The following C6orf89 variants were observed in gnomAD, a reference collection of about 807,000 sequenced individuals.
C6orf89 encodes bombesin receptor-activated protein C6orf89.
In C6orf89, 29 loss-of-function variants were observed where a neutral mutation model predicts 40.7. The observed-to-expected ratio is 0.71, with a 90% CI of 0.53 to 0.97. The LOEUF is 0.97. Ranked by LOEUF, C6orf89 falls within the 50% of genes least tolerant of loss-of-function variation. C6orf89 has a pLI of 0.00. For synonymous variants in C6orf89, 165 were observed against 152.2 expected (o/e 1.08, Z -0.62); for missense variants, 392 against 429.1 (o/e 0.91, Z 0.76).
intron 1 of C6orf89, among the ~76,000 whole-genome samples, chr6:36,878,549 G>T (rs1204553859): frequency 6.6e-6 from 1 of 152,228 alleles, no homozygotes; most frequent in East Asian, 1.9e-4. Flanking sequence ...TCCATGAATT[G>T]AAAGTGCTTA....
intron 4 of C6orf89, among the ~76,000 whole-genome samples, chr6:36,914,058 G>C (rs1196454778): frequency 2.0e-5 from 3 of 152,234 alleles, no homozygotes; most frequent in African/African-American, 7.2e-5. Flanking sequence ...CTCCTCGGAA[G>C]GCTGTAGCAG....
intron 1 of C6orf89, among the ~76,000 whole-genome samples, chr6:36,874,094 G>C (rs1321608667): frequency 1.3e-5 from 2 of 152,154 alleles, no homozygotes; most frequent in Non-Finnish European, 2.9e-5. Flanking sequence ...TTTGGTCAAG[G>C]CTTTAAGCTG....
In C6orf89 at chr6:36,899,635, TA is replaced by T. The variant is rs765729368; in HGVS notation, c.189+6del. ...CCTCTCCTTATAGTTGTGTATAAGG[TA>T]AAATGTTTCCTGAGTTGGTAATTGC... is the stretch of plus-strand genomic sequence containing the variant. On this transcript the variant is annotated splice_donor_region_variant and intron_variant, in intron 3 of 8. Coordinates refer to ENST00000480824, the MANE Select transcript of C6orf89 (RefSeq NM_001286635.2). 3 of 1,613,192 alleles carry T rather than the reference TA, an allele frequency of 1.9e-6. No homozygotes were observed. The highest frequency in any genetic ancestry group is 3.3e-5 in the Admixed American group (2 of 60,018).
intron 1 of C6orf89, among the ~76,000 whole-genome samples, chr6:36,872,748 C>T (rs1774541523): frequency 6.6e-6 from 1 of 152,176 alleles, no homozygotes; most frequent in Admixed American, 6.5e-5. Flanking sequence ...GCTGGGACTA[C>T]AGGCATGCAT....
At chr6:36,886,845 G>A (rs1433623733) in intron 1 of C6orf89, among the ~76,000 whole-genome samples, 2 of 152,134 alleles carry the variant, frequency 1.3e-5, no homozygotes, top group Non-Finnish European at 2.9e-5. Context: ...TTTCCCTCTA[G>A]GGAATAACAT....
At chr6:36,921,698 A>T (rs763256488) in intron 8 of C6orf89, among the ~76,000 whole-genome samples, 9 of 152,018 alleles carry the variant, frequency 5.9e-5, no homozygotes, top group East Asian at 2.0e-4. Context: ...TTAACATGAG[A>T]TCTACCCTCT....
intron 2 of C6orf89, among the ~76,000 whole-genome samples, chr6:36,879,355 C>T (rs933160765): frequency 1.7e-4 from 26 of 152,068 alleles, no homozygotes; most frequent in Non-Finnish European, 3.4e-4. Flanking sequence ...TTGCTCTGGC[C>T]GGAACAACAA....
At chr6:36,899,783 G>T in intron 3 of C6orf89, 150 bp downstream of exon 3, 1 of 688,350 alleles carries the variant, frequency 1.5e-6, no homozygotes, top group Middle Eastern at 3.8e-4. Context: ...GTGTTACTAG[G>T]AAATTTGACT....
At chr6:36,873,728 T>C (rs550767992) in intron 1 of C6orf89, among the ~76,000 whole-genome samples, 10 of 151,974 alleles carry the variant, frequency 6.6e-5, no homozygotes, top group African/African-American at 1.9e-4. Flanking sequence ...CATGAGCAAA[T>C]AGAGAGAGGA....
intron 6 of C6orf89, among the ~76,000 whole-genome samples, chr6:36,915,338 T>C (rs1272795928): frequency 1.3e-5 from 2 of 152,160 alleles, no homozygotes; most frequent in Non-Finnish European, 2.9e-5. Flanking sequence ...TTTTGGCACT[T>C]GTTTCTGCCA....
Position 36,891,524 on chromosome 6 carries a change from T to G in C6orf89, c.-119-2980T>G, listed in dbSNP as rs138165589. Among the ~76,000 whole-genome samples, 311 of 152,352 alleles carry G rather than the reference T, an allele frequency of 2.0e-3. 3 individuals carry two copies. The highest frequency in any genetic ancestry group is 7.0e-3 in the African/African-American group (293 of 41,576). ...GGTATATACCCAGTAATGGGATGGC[T>G]GGGTCAAATGGTATTTCTAGTTCTA... On this transcript the variant is annotated intron_variant, in intron 1 of 8. Transcript: ENST00000480824.
chr6:36,899,770 C>T lies in C6orf89; in HGVS notation c.189+137C>T. 3 of 759,074 alleles carry T rather than the reference C, an allele frequency of 4.0e-6. No individual in the cohort carries two copies. The South Asian group carries it at 5.4e-5, about 14-fold the overall frequency. 47.0% of individuals were successfully genotyped at this position (759,074 alleles called of 1,614,324 possible). Reference sequence around the variant, plus strand: ...ATAAATTGGCCTTTGCTCTTGTTACCATGTGTTACTAGGAAATTTGACTGT... The same window carrying T: ...ATAAATTGGCCTTTGCTCTTGTTACTATGTGTTACTAGGAAATTTGACTGT... On this transcript the variant is annotated intron_variant, in intron 3 of 8. Transcript: ENST00000480824.
chr6:36,874,901 CAAGGAAGAGGACGG>C (rs1403679737), intron 1 of C6orf89: 1 of 1,045,672 alleles, frequency 9.6e-7, no homozygotes, highest in Non-Finnish European at 1.4e-6. Flanking sequence ...GTGGCCAAGA[CAAGGAAGAGGACGG>C]TCCCTTCTTC....
intron 1 of C6orf89, among the ~76,000 whole-genome samples, chr6:36,872,910 G>A (rs78149087): frequency 9.2e-5 from 14 of 152,176 alleles, no homozygotes; most frequent in Non-Finnish European, 1.8e-4. Context: ...CACCTGGCCA[G>A]ATGTGAGAAT....
intron 1 of C6orf89, among the ~76,000 whole-genome samples, chr6:36,888,775 A>C (rs1775088629): frequency 6.6e-6 from 1 of 152,170 alleles, no homozygotes; most frequent in Non-Finnish European, 1.5e-5. Context: ...TGTAGAGAGG[A>C]AGGGATGAAT....
Position 36,914,656 on chromosome 6 carries a change from T to C in C6orf89, c.658T>C (p.Cys220Arg). The C allele has an allele frequency of 2.5e-6, 4 of 1,614,224 alleles. No homozygotes were observed. The highest frequency in any genetic ancestry group is 3.4e-6 in the Non-Finnish European group (4 of 1,180,036). The change falls in exon 6 of 9, where the codon TGC (cysteine) becomes CGC (arginine). Residue 220 changes from cysteine to arginine, a missense_variant. By Grantham distance (180) the Cys-to-Arg change is radical. Transcript: ENST00000480824. ...AGGGTTTTTCGCCAAGTGGTGGCGC[T>C]GCTTTCCTGAGCGGTGGTTCCCATT... ...SEGFFAKWWR[C>R]FPERWFPFPY... is the part of the protein sequence containing the mutation.
chr6:36,922,812 A>G (rs754455937), intron 8 of C6orf89, among the ~76,000 whole-genome samples: 4 of 152,194 alleles, frequency 2.6e-5, no homozygotes, highest in Non-Finnish European at 5.9e-5. Context: ...ACACAGGAAA[A>G]TTGGCTAGTA....
rs146872121 is a variant in C6orf89, at chr6:36,911,821, C to T, written c.404-2463C>T. Among the ~76,000 whole-genome samples the T allele has an allele frequency of 1.5e-3, 227 of 152,134 alleles. 1 individual carries two copies. Among genetic ancestry groups the T allele is most frequent in the African/African-American group, 5.2e-3 (214 of 41,516 alleles). ...GAGGACAGTATAGTGCAAACATTCA[C>T]AGTAGTGCTCCTTGGGGCTGTAGAT... On this transcript the variant is annotated intron_variant, in intron 4 of 8. Coordinates refer to ENST00000480824, the MANE Select transcript of C6orf89 (RefSeq NM_001286635.2).
At chr6:36,872,075 G>A (rs6915283) in intron 1 of C6orf89, 1 of 438,600 alleles carries the variant, frequency 2.3e-6, no homozygotes, top group Non-Finnish European at 3.9e-6. Flanking sequence ...AAACACGCAG[G>A]TGTTCTGGGT....
Sources: allele counts gnomAD v4.1 joint callset (sites outside exome capture counted in the v4.1 genomes callset), GRCh38; gene constraint gnomAD v4.1.1; transcripts MANE v1.5; gene names NCBI Gene and HGNC (gene_info 2026-07-23, HGNC 2026-07-21).